IPO11: variants seen among roughly 807,000 people sequenced by gnomAD.
IPO11 encodes the protein importin-11.
A neutral mutation model predicts 143.2 loss-of-function variants in IPO11; 66 were observed. The observed-to-expected ratio is 0.46, with a 90% CI of 0.38 to 0.57. The LOEUF (loss-of-function observed/expected upper bound fraction) is 0.57, where lower values mean the gene tolerates loss of function less well. Ranked by LOEUF, IPO11 falls within the 20% of genes least tolerant of loss-of-function variation. The probability of loss-of-function intolerance (pLI) is 0.00; values close to 1 mark genes in which losing one functional copy is unlikely to be tolerated. For synonymous variants in IPO11, 385 were observed against 377.8 expected (o/e 1.02, Z -0.22); for missense variants, 1,026 against 1,141.0 (o/e 0.90, Z 1.45).
At chr5:62,435,803 C>G (rs942119316) in intron 1 of IPO11, among the ~76,000 whole-genome samples, 1 of 151,458 alleles carries the variant, frequency 6.6e-6, no homozygotes, top group Non-Finnish European at 1.5e-5. Context: ...CTGAGGCAGG[C>G]GGATCACCTG....
chr5:62,584,111 A>T (rs1398053598), intron 27 of IPO11, among the ~76,000 whole-genome samples: 1 of 152,230 alleles, frequency 6.6e-6, no homozygotes, highest in Non-Finnish European at 1.5e-5. Context: ...TATAAACTAT[A>T]AATTAAAAGC....
chr5:62,442,184 G>C (rs1238120547), intron 2 of IPO11, among the ~76,000 whole-genome samples: 1 of 152,112 alleles, frequency 6.6e-6, no homozygotes, highest in East Asian at 1.9e-4. Context: ...TTGATAAGGA[G>C]GGTACTATGA....
chr5:62,531,127 C>T (rs901412160), intron 22 of IPO11, among the ~76,000 whole-genome samples: 8 of 152,060 alleles, frequency 5.3e-5, no homozygotes, highest in Non-Finnish European at 2.9e-5. Context: ...ACATACATAC[C>T]TTCCATTTTT....
At chr5:62,487,087 A>G (rs1173468688) in intron 12 of IPO11, among the ~76,000 whole-genome samples, 1 of 152,202 alleles carries the variant, frequency 6.6e-6, no homozygotes, top group African/African-American at 2.4e-5. Context: ...TTTATGGGGT[A>G]CATGAGATGT....
chr5:62,451,871 T>G lies in IPO11; in HGVS notation c.454T>G (p.Tyr152Asp). Residue 152 changes from tyrosine (Y) to aspartate (D), a missense_variant, in exon 5 of 30, where the codon TAT (tyrosine) becomes GAT (aspartate). Coordinates refer to ENST00000325324, the MANE Select transcript of IPO11 (RefSeq NM_016338.5). Reference protein sequence around the residue: ...LRQHRALLTFYHVTKTLASKR... With the variant: ...LRQHRALLTFDHVTKTLASKR... ...ACAGCACAGAGCATTACTTACCTTC[T>G]ATCATGTTACCAAGACACTGGCATC... The G allele has an allele frequency of 6.2e-7, 1 of 1,614,154 alleles. No individual in the cohort carries two copies. The highest frequency in any genetic ancestry group is 1.6e-4 in the Middle Eastern group (1 of 6,062).
chr5:62,481,488 G>A (rs1003647260), intron 9 of IPO11, among the ~76,000 whole-genome samples: 9 of 152,126 alleles, frequency 5.9e-5, no homozygotes, highest in Middle Eastern at 3.4e-3. Context: ...GAATTTTGTC[G>A]AAGGCCTTTT....
chr5:62,510,921 C>T (rs980620129), intron 19 of IPO11, among the ~76,000 whole-genome samples: 7 of 152,084 alleles, frequency 4.6e-5, no homozygotes, highest in East Asian at 1.9e-4. Context: ...TTAGTAGAGA[C>T]GGGGTTTCAC....
chr5:62,465,037 C>T (rs1745518679), intron 5 of IPO11, among the ~76,000 whole-genome samples: 1 of 152,028 alleles, frequency 6.6e-6, no homozygotes. Context: ...TACAAAAAGA[C>T]ACAGTACAAA....
rs1746276865 is a variant in IPO11 at position 62,483,309 on chromosome 5, G to T, written c.1021+16G>T. On this transcript the variant is annotated intron_variant, in intron 10 of 29. Transcript: ENST00000325324. ...AATTTTGAAGGTAATTCCTTTATTG[G>T]CAGTTTAAAAGAATTATTTTAATCT... 5.6e-6 allele frequency: 8 copies of T among 1,438,770 alleles called. No homozygotes were observed. In the South Asian group the frequency reaches 9.2e-5, roughly 17 times the overall value. The allele number at this position is 1,438,770 out of a possible 1,614,324, so 89.1% of individuals were successfully genotyped here. A position where few individuals can be genotyped will look rare whatever the true frequency, so the allele number is the denominator to read the frequency against.
rs146247576 is a variant in IPO11, at chr5:62,439,533, C to T, written c.138+2116C>T. ...CAATCTCTTGGCCTTGTGATCCGCCCGCCTTGGCCTCCCAAAGTGCTGGGA... is the reference window on the plus strand; with the variant it reads ...CAATCTCTTGGCCTTGTGATCCGCCTGCCTTGGCCTCCCAAAGTGCTGGGA... On this transcript the variant is annotated intron_variant, in intron 2 of 29. Coordinates refer to ENST00000325324, the MANE Select transcript of IPO11 (RefSeq NM_016338.5). Among the ~76,000 whole-genome samples, 310 of 151,492 alleles carry T rather than the reference C, an allele frequency of 2.0e-3. 9 individuals are homozygous for T. In the East Asian group the frequency reaches 0.053, roughly 26 times the overall value.
Position 62,467,281 on chromosome 5 carries a change from A to G in IPO11, c.649+18A>G, listed in dbSNP as rs949869381. 1 of 1,602,020 alleles carries G rather than the reference A, an allele frequency of 6.2e-7. No homozygotes were observed. Among genetic ancestry groups the G allele is most frequent in the Non-Finnish European group, 8.5e-7 (1 of 1,175,188 alleles). On this transcript the variant is annotated intron_variant, in intron 6 of 29. Coordinates refer to ENST00000325324, the MANE Select transcript of IPO11 (RefSeq NM_016338.5). ...ATTGAAAGGTACTATTAAGCTTGAT[A>G]TGTTCATTTTTGAAATGAGATACCT...
At chr5:62,413,809 T>C (rs926769864) in intron 1 of IPO11, among the ~76,000 whole-genome samples, 5 of 152,244 alleles carry the variant, frequency 3.3e-5, no homozygotes, top group Admixed American at 3.3e-4. Flanking sequence ...TTTCATGTTA[T>C]TTCAAACTTC....
chr5:62,578,789 ACT>A, intron 27 of IPO11: 1 of 420,612 alleles, frequency 2.4e-6, no homozygotes, highest in South Asian at 1.8e-5. Context: ...GCAAACGGTG[ACT>A]TAAAAAAAAA....
chr5:62,450,679 AACT>A (rs1744885321), intron 4 of IPO11, among the ~76,000 whole-genome samples: 2 of 148,716 alleles, frequency 1.3e-5, no homozygotes, highest in Non-Finnish European at 3.0e-5. Flanking sequence ...AAAAAAAAAC[AACT>A]CAGAATGGCT....
At chr5:62,463,769 A>G (rs972703109) in intron 5 of IPO11, among the ~76,000 whole-genome samples, 1 of 151,862 alleles carries the variant, frequency 6.6e-6, no homozygotes, top group African/African-American at 2.4e-5. Context: ...ATTAAGAGAC[A>G]TTAGAGCATA....
intron 19 of IPO11, among the ~76,000 whole-genome samples, chr5:62,510,111 A>G (rs932630087): frequency 1.3e-5 from 2 of 152,150 alleles, no homozygotes; most frequent in Non-Finnish European, 2.9e-5. Flanking sequence ...GCATGAGGTG[A>G]TATCTCATTG....
At chr5:62,571,832 C>T (rs1332949953) in intron 27 of IPO11, among the ~76,000 whole-genome samples, 2 of 152,038 alleles carry the variant, frequency 1.3e-5, no homozygotes, top group Admixed American at 1.3e-4. Flanking sequence ...ATCACAGGCG[C>T]ACACCACCAC....
intron 1 of IPO11, among the ~76,000 whole-genome samples, chr5:62,424,007 A>T (rs1580159691): frequency 6.6e-6 from 1 of 151,932 alleles, no homozygotes; most frequent in South Asian, 2.1e-4. Context: ...CTCTTTGTAG[A>T]CTTGGGCTAT....
intron 28 of IPO11, among the ~76,000 whole-genome samples, chr5:62,593,341 T>C (rs1745103230): frequency 6.6e-6 from 1 of 152,114 alleles, no homozygotes; most frequent in Non-Finnish European, 1.5e-5. Flanking sequence ...GAATTAAAAA[T>C]CAGGATATCC....
Sources: gnomAD v4.1 joint callset for allele counts (sites outside exome capture counted in the v4.1 genomes callset) on GRCh38, gnomAD v4.1.1 for gene constraint, MANE v1.5 for transcripts, NCBI Gene and HGNC (gene_info 2026-07-23, HGNC 2026-07-21) for gene names.